Variants in CGNL1 observed in about 807,000 individuals in gnomAD.
CGNL1 encodes cingulin-like protein 1.
A neutral mutation model predicts 141.2 loss-of-function variants in CGNL1; 132 were observed. That is an observed-to-expected ratio of 0.93 (90% CI 0.81 to 1.08). CGNL1 has a LOEUF of 1.08. Among genes scored for constraint, CGNL1 ranks in the 50% least tolerant of loss-of-function variants. The pLI, the probability that CGNL1 is intolerant of heterozygous loss-of-function variation, is 0.00. For missense variants in CGNL1, 1,870 were observed against 1,588.6 expected (o/e 1.18, Z -3.01); for synonymous variants, 690 against 622.1 (o/e 1.11, Z -1.63).
rs2063335411 is a variant in CGNL1, at chr15:57,452,648, GC to G, written c.2054+364del. Among the ~76,000 whole-genome samples, 4 of 152,048 alleles carry G rather than the reference GC, an allele frequency of 2.6e-5. No homozygotes were observed. The South Asian group carries it at 8.4e-4, about 32-fold the overall frequency. On this transcript the variant is annotated intron_variant, in intron 6 of 18. Transcript: ENST00000281282. ...GCTTCTAAAAAGCATGTGTTACGTG[GC>G]CCCCGTGAGCTCTCAGCCTGTGCAT...
At chr15:57,449,622 C>T (rs866942031) in intron 4 of CGNL1, among the ~76,000 whole-genome samples, 4 of 152,194 alleles carry the variant, frequency 2.6e-5, no homozygotes, top group Admixed American at 6.5e-5. Context: ...GCACATTCTA[C>T]AGGCTTCTGA....
chr15:57,388,339 T>C (rs544813615), intron 1 of CGNL1, among the ~76,000 whole-genome samples: 43 of 152,142 alleles, frequency 2.8e-4, no homozygotes, highest in African/African-American at 9.4e-4. Context: ...TCTAGGGTGG[T>C]CTTTCCTTTG....
chr15:57,384,536 C>T (rs2062461167), intron 1 of CGNL1, among the ~76,000 whole-genome samples: 1 of 152,188 alleles, frequency 6.6e-6, no homozygotes, highest in South Asian at 2.1e-4. Context: ...GGATGCTGCA[C>T]CTGCTCTTCA....
At chr15:57,386,329 G>A (rs113464084) in intron 1 of CGNL1, among the ~76,000 whole-genome samples, 3 of 152,220 alleles carry the variant, frequency 2.0e-5, no homozygotes, top group East Asian at 1.9e-4. Flanking sequence ...CTCCCATCTC[G>A]TCATGTTGCT....
At chr15:57,454,375 T>G (rs1442680717) in intron 7 of CGNL1, among the ~76,000 whole-genome samples, 1 of 152,222 alleles carries the variant, frequency 6.6e-6, no homozygotes, top group African/African-American at 2.4e-5. Context: ...CCTCCCTCTT[T>G]GGGCTTAGGT....
At chr15:57,465,135 G>A (rs2063495384) in intron 8 of CGNL1, among the ~76,000 whole-genome samples, 1 of 152,120 alleles carries the variant, frequency 6.6e-6, no homozygotes, top group Non-Finnish European at 1.5e-5. Context: ...CTTAACAAAT[G>A]TGATAGAGTC....
At chr15:57,455,598 G>C (rs1280413) in intron 7 of CGNL1, among the ~76,000 whole-genome samples, 135,217 of 152,186 alleles carry the variant, frequency 0.89, 60,592 homozygotes, top group Non-Finnish European at 0.95. Flanking sequence ...GCTTCTTTCC[G>C]CATTTCACAT....
intron 14 of CGNL1, among the ~76,000 whole-genome samples, chr15:57,533,765 G>A (rs150208628): frequency 3.0e-4 from 46 of 152,334 alleles, no homozygotes; most frequent in African/African-American, 8.2e-4. Context: ...TGAGCACTTG[G>A]ATCATGGGGA....
intron 1 of CGNL1, among the ~76,000 whole-genome samples, chr15:57,426,995 G>A (rs1316433411): frequency 6.6e-6 from 1 of 152,198 alleles, no homozygotes; most frequent in African/African-American, 2.4e-5. Flanking sequence ...ACTGCTTGCA[G>A]TGTCTAAATG....
At chr15:57,531,916 A>G (rs2031974102) in intron 14 of CGNL1, 137 bp downstream of exon 14, 8 of 615,664 alleles carry the variant, frequency 1.3e-5, no homozygotes, top group South Asian at 1.3e-4. Context: ...TTGAATAGTC[A>G]TCACCATAGT....
chr15:57,402,959 C>T (rs887303408), intron 1 of CGNL1, among the ~76,000 whole-genome samples: 3 of 152,094 alleles, frequency 2.0e-5, no homozygotes, highest in Admixed American at 1.3e-4. Context: ...TGCACATATG[C>T]GTAATTCCAA....
At chr15:57,530,386 G>A (rs2031881300) in intron 13 of CGNL1, among the ~76,000 whole-genome samples, 1 of 152,210 alleles carries the variant, frequency 6.6e-6, no homozygotes, top group Admixed American at 6.5e-5. Flanking sequence ...GCTACCATGA[G>A]ATGCGCTTGA....
At chr15:57,425,306 G>A (rs539275669) in intron 1 of CGNL1, among the ~76,000 whole-genome samples, 1 of 152,320 alleles carries the variant, frequency 6.6e-6, no homozygotes, top group East Asian at 1.9e-4. Flanking sequence ...GGAGGTTGCA[G>A]TGAGCTATGA....
At chr15:57,521,443 C>T (rs1161560973) in intron 10 of CGNL1, among the ~76,000 whole-genome samples, 1 of 152,146 alleles carries the variant, frequency 6.6e-6, no homozygotes, top group Admixed American at 6.5e-5. Flanking sequence ...GCCTTGGGAT[C>T]ACTTTTGGGG....
intron 1 of CGNL1, among the ~76,000 whole-genome samples, chr15:57,395,518 G>A (rs1271153627): frequency 4.6e-5 from 7 of 152,168 alleles, no homozygotes; most frequent in East Asian, 3.8e-4. Flanking sequence ...CAGCCTTTGC[G>A]TCTGGCCTTG....
At chr15:57,491,524 G>A (rs1186400800) in intron 8 of CGNL1, among the ~76,000 whole-genome samples, 2 of 152,172 alleles carry the variant, frequency 1.3e-5, no homozygotes, top group African/African-American at 4.8e-5. Flanking sequence ...GCACTCACAT[G>A]TTTGTTAGCT....
In CGNL1 at chr15:57,421,019, A is replaced by G. The variant is rs144153245; in HGVS notation, c.-15-16966A>G. On this transcript the variant is annotated intron_variant, in intron 1 of 18. Coordinates refer to ENST00000281282, the MANE Select transcript of CGNL1 (RefSeq NM_032866.5). Reference sequence around the variant, plus strand: ...CAAGGTTACGGTATTTGAAGATGGGATCTTTGGGAGGTAATTAGGGTTAGA... The same window carrying G: ...CAAGGTTACGGTATTTGAAGATGGGGTCTTTGGGAGGTAATTAGGGTTAGA... 1.4e-4 allele frequency among the ~76,000 whole-genome samples: 22 copies of G among 152,278 alleles called. No homozygotes were observed. The East Asian group carries it at 3.7e-3, about 25-fold the overall frequency.
intron 12 of CGNL1, 68 bp downstream of exon 12, chr15:57,524,819 C>CT: frequency 6.8e-7 from 1 of 1,480,918 alleles, no homozygotes; most frequent in South Asian, 1.3e-5. Context: ...TGAAAGTCTT[C>CT]TGTGAGGGAC....
chr15:57,544,397 T>C lies in CGNL1; in HGVS notation c.3376-76T>C. On this transcript the variant is annotated intron_variant, in intron 15 of 18. Transcript: ENST00000281282. ...CATGCAGCGACCAAACACCAGGTTC[T>C]GCCCCATATTCTTCGCTGCTCTGCA... is the stretch of plus-strand genomic sequence containing the variant. 1.9e-6 allele frequency: 3 copies of C among 1,563,970 alleles called. No individual in the cohort carries two copies. The South Asian group carries it at 3.5e-5, about 18-fold the overall frequency.
Sources: gnomAD v4.1 joint callset for allele counts (sites outside exome capture counted in the v4.1 genomes callset) on GRCh38, gnomAD v4.1.1 for gene constraint, MANE v1.5 for transcripts, NCBI Gene and HGNC (gene_info 2026-07-23, HGNC 2026-07-21) for gene names.